The following PCDHGA3 variants were observed in gnomAD, a reference collection of about 807,000 sequenced individuals.
PCDHGA3 encodes protocadherin gamma subfamily A, 3, also known as protocadherin gamma-A3.
In PCDHGA3, 40 loss-of-function variants were observed where a neutral mutation model predicts 58.5. The ratio of observed to expected loss-of-function variants is 0.68; its 90% CI spans 0.53 to 0.89. PCDHGA3 has a LOEUF of 0.89. Ranked by LOEUF, PCDHGA3 falls within the 40% of genes least tolerant of loss-of-function variation. The pLI, the probability that PCDHGA3 is intolerant of heterozygous loss-of-function variation, is 0.00. For synonymous variants in PCDHGA3, 530 were observed against 525.7 expected (o/e 1.01, Z -0.11); for missense variants, 1,223 against 1,195.9 (o/e 1.02, Z -0.33).
intron 1 of PCDHGA3, chr5:141,415,488 C>T: frequency 1.9e-6 from 3 of 1,614,220 alleles, no homozygotes; most frequent in Non-Finnish European, 2.5e-6. Context: ...GAAAGAGTCA[C>T]CTGATCTTCC....
chr5:141,364,214 G>A lies in PCDHGA3; in HGVS notation c.2424+17757G>A, dbSNP rs935384771. 7 of 1,287,292 alleles carry A rather than the reference G, an allele frequency of 5.4e-6. No individual in the cohort carries two copies. In the African/African-American group the frequency reaches 6.0e-5, roughly 11 times the overall value. The allele number at this position is 1,287,292 out of a possible 1,614,324, so 79.7% of individuals were successfully genotyped here. A position where few individuals can be genotyped will look rare whatever the true frequency, so the allele number is the denominator to read the frequency against. On this transcript the variant is annotated intron_variant, in intron 1 of 3. Transcript: ENST00000253812. ...ACACACAGACCAGACAAGCTCCTAC[G>A]AAAAGCCAACGCTCCACGCCCATTT...
chr5:141,450,565 C>A (rs1024229182), intron 1 of PCDHGA3, among the ~76,000 whole-genome samples: 4 of 152,016 alleles, frequency 2.6e-5, no homozygotes, highest in African/African-American at 9.7e-5. Flanking sequence ...CGGCTCACTG[C>A]AACTTCTGCC....
chr5:141,375,333 T>C, intron 1 of PCDHGA3: 1 of 1,613,828 alleles, frequency 6.2e-7, no homozygotes, highest in East Asian at 2.2e-5. Flanking sequence ...GAGGTATTCT[T>C]GTACAACATC....
chr5:141,352,500 C>T (rs1759029072), intron 1 of PCDHGA3: 1 of 1,614,024 alleles, frequency 6.2e-7, no homozygotes, highest in East Asian at 2.2e-5. Context: ...TTGCCCTATT[C>T]CTACAATCTA....
At chr5:141,495,073 C>T (rs1464039604) in intron 2 of PCDHGA3, among the ~76,000 whole-genome samples, 1 of 152,186 alleles carries the variant, frequency 6.6e-6, no homozygotes, top group Non-Finnish European at 1.5e-5. Flanking sequence ...GCTCAATTCA[C>T]ATGCTTGCCC....
At chr5:141,488,565 C>T (rs1308485284) in intron 1 of PCDHGA3, among the ~76,000 whole-genome samples, 1 of 152,174 alleles carries the variant, frequency 6.6e-6, no homozygotes, top group Non-Finnish European at 1.5e-5. Flanking sequence ...GAGATTTCCG[C>T]AAAGCATTGC....
chr5:141,489,804 G>A lies in PCDHGA3; in HGVS notation c.2425-5003G>A, dbSNP rs2099692572. 1 of 1,614,056 alleles carries A rather than the reference G, an allele frequency of 6.2e-7. No homozygotes were observed. The highest frequency in any genetic ancestry group is 1.3e-5 in the African/African-American group (1 of 74,932). ...TGAATGTGAAGACCCTAAAAGATGG[G>A]AAGCCATTCCCAGAGCTGGTGCTAG... On this transcript the variant is annotated intron_variant, in intron 1 of 3. Transcript: ENST00000253812. The surrounding 1 kb of genome is among the most constrained non-coding windows in gnomAD (Gnocchi z 4.5).
In PCDHGA3 at chr5:141,366,672, G is replaced by A. The variant is rs202102428; in HGVS notation, c.2424+20215G>A. ...CCCAACTACGCAGACACGCTCCTTA[G>A]TGAAGAGAGCTGTGAGAAAAGCGAG... On this transcript the variant is annotated intron_variant, in intron 1 of 3. Transcript: ENST00000253812. The A allele has an allele frequency of 1.6e-4, 266 of 1,614,142 alleles. 2 individuals carry two copies. Among genetic ancestry groups the A allele is most frequent in the Non-Finnish European group, 2.9e-5 (34 of 1,180,058 alleles).
At chr5:141,425,745 G>A (rs776065455) in intron 1 of PCDHGA3, among the ~76,000 whole-genome samples, 26 of 152,100 alleles carry the variant, frequency 1.7e-4, no homozygotes, top group Non-Finnish European at 2.9e-4. Flanking sequence ...TTCCCACAAG[G>A]TTTTTGTTCT....
intron 1 of PCDHGA3, among the ~76,000 whole-genome samples, chr5:141,458,876 G>T (rs187470646): frequency 5.0e-4 from 76 of 152,248 alleles, no homozygotes; most frequent in African/African-American, 1.7e-3. Context: ...GGGACTACAG[G>T]CATGCACACC....
chr5:141,357,226 G>T, intron 1 of PCDHGA3: 3 of 1,613,820 alleles, frequency 1.9e-6, no homozygotes, highest in Non-Finnish European at 2.5e-6. Context: ...GGCTGACTTG[G>T]GCAGCCTCAA....
intron 2 of PCDHGA3, among the ~76,000 whole-genome samples, chr5:141,500,112 C>G (rs2099796438): frequency 6.8e-6 from 1 of 147,138 alleles, no homozygotes; most frequent in Non-Finnish European, 1.5e-5. Context: ...TGTTGAATCC[C>G]TGCCTTTTCA....
intron 1 of PCDHGA3, chr5:141,361,711 C>T (rs1232188461): frequency 6.2e-7 from 1 of 1,613,302 alleles, no homozygotes; most frequent in African/African-American, 1.3e-5. Flanking sequence ...TGAGCAGCTG[C>T]GCGCCTTCGA....
Position 141,344,009 on chromosome 5 carries a change from G to A in PCDHGA3, c.-25G>A. The stretch of plus-strand genomic sequence containing the variant: ...TCGTAGGAAACTGGAACCGAATTCA[G>A]AGAAAGCGATTCACCGAAAAGGAAA... On this transcript the variant is annotated 5_prime_UTR_variant, in exon 1 of 4. Coordinates refer to ENST00000253812, the MANE Select transcript of PCDHGA3 (RefSeq NM_018916.4). 1 of 1,509,776 alleles carries A rather than the reference G, an allele frequency of 6.6e-7. No individual in the cohort carries two copies. The highest frequency in any genetic ancestry group is 8.9e-7 in the Non-Finnish European group (1 of 1,129,902). The allele number at this position is 1,509,776 out of a possible 1,614,324, so 93.5% of individuals were successfully genotyped here.
Position 141,431,354 on chromosome 5 carries a change from G to GCC in PCDHGA3, c.2425-63451_2425-63450dup. The GCC allele has an allele frequency of 6.2e-7, 1 of 1,614,036 alleles. No individual in the cohort carries two copies. Among genetic ancestry groups the GCC allele is most frequent in the African/African-American group, 1.3e-5 (1 of 75,052 alleles). On this transcript the variant is annotated intron_variant, in intron 1 of 3. Transcript: ENST00000253812. This position sits in a 1 kb window ranked among gnomAD's most constrained non-coding sequence, Gnocchi z 4.8. Reference sequence around the variant, plus strand: ...GTACCCCGAATTGGTGCTGAAACGCGCCCTGGACCGCGAAGAAAAGGCTGC... The same window carrying GCC: ...GTACCCCGAATTGGTGCTGAAACGCGCCCCCTGGACCGCGAAGAAAAGGCTGC...
Position 141,501,290 on chromosome 5 carries a change from TACACACAC to T in PCDHGA3, c.2484-4066_2484-4059del, listed in dbSNP as rs55762287. 3.7e-3 allele frequency among the ~76,000 whole-genome samples: 499 copies of T among 136,222 alleles called. 2 individuals carry two copies. Among genetic ancestry groups the T allele is most frequent in the Middle Eastern group, 0.033 (9 of 270 alleles). 89.4% of individuals were successfully genotyped at this position (136,222 alleles called of 152,430 possible). On this transcript the variant is annotated intron_variant, in intron 2 of 3. Transcript: ENST00000253812. ...GTCCAGTCTATGGGATATTCCCTTA[TACACACAC>T]ACACACACACACACACACACACACA... is the stretch of plus-strand genomic sequence containing the variant.
At chr5:141,421,873 T>G (rs1219669838) in intron 1 of PCDHGA3, 3 of 1,613,592 alleles carry the variant, frequency 1.9e-6, no homozygotes, top group Non-Finnish European at 2.5e-6. Context: ...CCTCACAGCT[T>G]TAGATGGAGG....
intron 1 of PCDHGA3, chr5:141,419,230 C>G (rs1439568232): frequency 6.2e-7 from 1 of 1,613,910 alleles, no homozygotes; most frequent in Non-Finnish European, 8.5e-7. Context: ...AGTCAGCCTA[C>G]CTGGTCCACG....
intron 1 of PCDHGA3, chr5:141,423,090 G>GT (rs2096707772): frequency 2.5e-6 from 4 of 1,613,904 alleles, no homozygotes; most frequent in African/African-American, 2.7e-5. Flanking sequence ...TCGCGGTGGG[G>GT]GAGCACACGG....
Sources: allele counts gnomAD v4.1 joint callset (sites outside exome capture counted in the v4.1 genomes callset), GRCh38; gene constraint gnomAD v4.1.1; non-coding constraint Gnocchi (gnomAD v3.1); transcripts MANE v1.5; gene names NCBI Gene and HGNC (gene_info 2026-07-23, HGNC 2026-07-21).